KAT2A: variants seen among roughly 807,000 people sequenced by gnomAD.
The protein encoded by KAT2A is lysine acetyltransferase 2A, also known as histone acetyltransferase KAT2A.
In KAT2A, 42 loss-of-function variants were observed where a neutral mutation model predicts 95.2. The observed-to-expected ratio is 0.44, with a 90% confidence interval of 0.34 to 0.57. The LOEUF is 0.57. Ranked by LOEUF, KAT2A falls within the 20% of genes least tolerant of loss-of-function variation. The probability of loss-of-function intolerance (pLI) is 0.01; values close to 1 mark genes in which losing one functional copy is unlikely to be tolerated. For synonymous variants in KAT2A, 449 were observed against 448.2 expected (o/e 1.00, Z -0.02); for missense variants, 784 against 1,126.3 (o/e 0.70, Z 4.35).
intron 6 of KAT2A, 56 bp from the exon 7 acceptor site, chr17:42,118,459 C>T: frequency 7.8e-7 from 1 of 1,275,564 alleles, no homozygotes; most frequent in South Asian, 1.2e-5. Flanking sequence ...GCAGCCTGGG[C>T]CAGGCAGCAG....
rs1555666343 is a variant in KAT2A at position 42,117,753 on chromosome 17, C to T, written c.1353G>A (p.Met451Ile). 5.0e-6 allele frequency: 8 copies of T among 1,613,870 alleles called. No individual in the cohort carries two copies. In the Admixed American group the frequency reaches 1.3e-4, roughly 27 times the overall value. ...TGACCAGCTCCATGGGGATGTCACC[C>T]ATCACACGGAGCCGCTTGGCATCCT... ...TLEDAKRLRV[M>I]GDIPMELVNE... The change falls in exon 9 of 18, where the codon ATG becomes ATA. Residue 451 changes from methionine to isoleucine, a missense_variant. Physicochemically the swap from Met to Ile is conservative, Grantham distance 10. This residue lies in a region of KAT2A where 174 missense variants were observed against 324.9 expected (regional missense o/e 0.54). Coordinates refer to ENST00000225916, the MANE Select transcript of KAT2A (RefSeq NM_021078.3). This position sits in a 1 kb window ranked among gnomAD's most constrained non-coding sequence, Gnocchi z 8.9.
At chr17:42,115,873 TG>T in intron 11 of KAT2A, 40 bp from the exon 12 acceptor site, 1 of 1,160,302 alleles carries the variant, frequency 8.6e-7, no homozygotes. Context: ...GAGCTGAGGA[TG>T]GGCCTGGTGC....
chr17:42,117,257 A>G lies in KAT2A; in HGVS notation c.1638-96T>C. 6.4e-7 allele frequency: 1 copy of G among 1,567,608 alleles called. No homozygotes were observed. The highest frequency in any genetic ancestry group is 8.7e-7 in the Non-Finnish European group (1 of 1,147,656). On this transcript the variant is annotated intron_variant, in intron 10 of 17. Transcript: ENST00000225916. This position sits in a 1 kb window ranked among gnomAD's most constrained non-coding sequence, Gnocchi z 8.9. ...GCTGTAGTCAGGGTTGGGCAGTGAG[A>G]AGTAAGAATGCTCAAAGGATGAACC...
chr17:42,120,982 A>AC lies in KAT2A; in HGVS notation c.322dup (p.Val108GlyfsTer9). The AC allele has an allele frequency of 6.3e-7, 1 of 1,586,872 alleles. No homozygotes were observed. Among genetic ancestry groups the AC allele is most frequent in the Non-Finnish European group, 8.6e-7 (1 of 1,167,966 alleles). On this transcript the variant is annotated frameshift_variant, in exon 1 of 18. Coordinates refer to ENST00000225916, the MANE Select transcript of KAT2A (RefSeq NM_021078.3). LOFTEE classifies it high-confidence loss of function. ...CGCCCCCACCTTGCAAGCCGAGAAG[A>AC]CCCCTAGCTTCTCAAGCTTCTTGGC...
chr17:42,121,270 G>A lies in KAT2A; in HGVS notation c.35C>T (p.Pro12Leu). The change falls in exon 1 of 18, where the codon CCG (proline) becomes CTG (leucine). Residue 12 changes from proline (P) to leucine (L), a missense_variant. Around this residue, in one of 6 missense-constraint regions of KAT2A, gnomAD observed 142 missense variants for 123.2 expected, o/e 1.15. Transcript: ENST00000225916. ...CTGAAGGGGCCGGGGCTGCGCAGCC[G>A]GGGCCGGGGTCGGGGCCTGGGAAGG... ...AEPSQAPTPA[P>L]AAQPRPLQSP... 2 of 1,370,268 alleles carry A rather than the reference G, an allele frequency of 1.5e-6. No individual in the cohort carries two copies. Among genetic ancestry groups the A allele is most frequent in the East Asian group, 3.0e-5 (1 of 33,362 alleles). 84.9% of individuals were successfully genotyped at this position (1,370,268 alleles called of 1,614,324 possible).
intron 6 of KAT2A, among the ~76,000 whole-genome samples, chr17:42,118,785 C>A (rs2144040008): frequency 6.6e-6 from 1 of 152,316 alleles, no homozygotes; most frequent in Middle Eastern, 3.4e-3. Context: ...GCAGGGGGCA[C>A]TAGAGAGCCA....
In KAT2A at chr17:42,114,564, C is replaced by A; in HGVS notation, c.2060G>T (p.Arg687Leu). The change falls in exon 14 of 18, where the codon CGC (arginine) becomes CTC (leucine). Residue 687 changes from arginine (R) to leucine (L), a missense_variant. Around this residue, in one of 6 missense-constraint regions of KAT2A, gnomAD observed 195 missense variants for 247.1 expected, o/e 0.79. Coordinates refer to ENST00000225916, the MANE Select transcript of KAT2A (RefSeq NM_021078.3). This position sits in a 1 kb window ranked among gnomAD's most constrained non-coding sequence, Gnocchi z 6.0. ...KLIERKQAQI[R>L]KVYPGLSCFK... ...GCAGCTGAGCCCCGGGTAGACCTTG[C>A]GGATCTGGGCCTGTTTGCGCTCAAT... The A allele has an allele frequency of 6.2e-7, 1 of 1,614,014 alleles. No homozygotes were observed. Among genetic ancestry groups the A allele is most frequent in the Non-Finnish European group, 8.5e-7 (1 of 1,179,982 alleles).
intron 6 of KAT2A, 69 bp from the exon 7 acceptor site, chr17:42,118,472 G>A (rs1273301626): frequency 1.2e-5 from 13 of 1,103,974 alleles, no homozygotes; most frequent in East Asian, 4.7e-5. Context: ...GGCAGCAGAG[G>A]GACTGGAGGC....
At chr17:42,120,173 C>A in intron 3 of KAT2A, 52 bp downstream of exon 3, 1 of 1,613,648 alleles carries the variant, frequency 6.2e-7, no homozygotes. Context: ...CTGCAGACAA[C>A]CCCTCAAGGC....
Position 42,117,798 on chromosome 17 carries a change from G to T in KAT2A, c.1308C>A (p.Leu436=), listed in dbSNP as rs79405527. ...AEPMPGEKRT[L]PENLTLEDAK... is the part of the protein sequence containing the mutation. Reference sequence around the variant, plus strand: ...CATCCTCCAGGGTCAGGTTCTCTGGGAGCGTCCTCTTCTCGCCTATTGGGG... The same window carrying T: ...CATCCTCCAGGGTCAGGTTCTCTGGTAGCGTCCTCTTCTCGCCTATTGGGG... The change falls in exon 9 of 18, where the codon CTC becomes CTA. Residue 436 remains leucine (L), a synonymous_variant. Transcript: ENST00000225916. The surrounding 1 kb of genome is among the most constrained non-coding windows in gnomAD (Gnocchi z 8.9). 6.2e-7 allele frequency: 1 copy of T among 1,613,964 alleles called. No homozygotes were observed. The highest frequency in any genetic ancestry group is 1.3e-5 in the African/African-American group (1 of 75,012).
rs2054292534 is a variant in KAT2A, at chr17:42,118,366, T to C, written c.1111A>G (p.Asn371Asp). Residue 371 changes from asparagine (N) to aspartate (D), a missense_variant, in exon 7 of 18, where the codon AAC becomes GAC. Coordinates refer to ENST00000225916, the MANE Select transcript of KAT2A (RefSeq NM_021078.3). ...AAGCCTGACTCCCAGATTGGAGAGT[T>C]TGCCCCATAGATCTCCTCCTCCAGC... The part of the protein sequence containing the change: ...SMLEEEIYGA[N>D]SPIWESGFTM... 7 of 1,613,890 alleles carry C rather than the reference T, an allele frequency of 4.3e-6. No individual in the cohort carries two copies. The highest frequency in any genetic ancestry group is 5.9e-6 in the Non-Finnish European group (7 of 1,179,772).
intron 11 of KAT2A, 101 bp from the exon 12 acceptor site, chr17:42,115,934 A>C (rs1211543928): frequency 1.3e-6 from 1 of 747,284 alleles, no homozygotes; most frequent in African/African-American, 1.7e-5. Flanking sequence ...GAAAGGAGGT[A>C]GAGAGAGCGA....
In KAT2A at chr17:42,114,982, C is replaced by T. The variant is rs143102052; in HGVS notation, c.1929G>A (p.Lys643=). The change falls in exon 13 of 18, where the codon AAG becomes AAA. Residue 643 remains lysine (K), a synonymous_variant. Coordinates refer to ENST00000225916, the MANE Select transcript of KAT2A (RefSeq NM_021078.3). The surrounding 1 kb of genome is among the most constrained non-coding windows in gnomAD (Gnocchi z 6.0). ...CCATCAGCGTCGCTCCCTCGTAGTC[C>T]TTGATGTAGCCCAGGTAGCGGCTCT... ...VPKSRYLGYI[K]DYEGATLMEC... 3.5e-5 allele frequency: 57 copies of T among 1,613,890 alleles called. No individual in the cohort carries two copies. The highest frequency in any genetic ancestry group is 4.4e-5 in the Non-Finnish European group (52 of 1,179,968).
Position 42,120,985 on chromosome 17 carries a change from C to CCTAGCTTCT in KAT2A, c.311_319dup (p.Glu104_Leu106dup). 1 of 1,590,246 alleles carries CCTAGCTTCT rather than the reference C, an allele frequency of 6.3e-7. No homozygotes were observed. Among genetic ancestry groups the CCTAGCTTCT allele is most frequent in the South Asian group, 1.1e-5 (1 of 87,364 alleles). On this transcript the variant is annotated inframe_insertion, in exon 1 of 18. Coordinates refer to ENST00000225916, the MANE Select transcript of KAT2A (RefSeq NM_021078.3). The stretch of plus-strand genomic sequence containing the variant: ...CCCCACCTTGCAAGCCGAGAAGACC[C>CCTAGCTTCT]CTAGCTTCTCAAGCTTCTTGGCGCG...
rs1555666306 is a variant in KAT2A, at chr17:42,117,679, T to C, written c.1427A>G (p.Glu476Gly). The C allele has an allele frequency of 1.9e-6, 3 of 1,609,428 alleles. No individual in the cohort carries two copies. Among genetic ancestry groups the C allele is most frequent in the African/African-American group, 1.3e-5 (1 of 74,848 alleles). The stretch of plus-strand genomic sequence containing the variant: ...TGGTCAGCAGGTCGGGCTGCCCACC[T>C]CAGGCCCCAGCATGGCAGCAGGGTC... ...ITDPAAMLGP[E>G]TSLLSANAAR... The change falls in exon 9 of 18, where the codon GAG becomes GGG. Residue 476 changes from glutamate (E) to glycine (G), a missense_variant and splice_region_variant. By Grantham distance (98) the Glu-to-Gly change is moderately conservative. Transcript: ENST00000225916. This position sits in a 1 kb window ranked among gnomAD's most constrained non-coding sequence, Gnocchi z 8.9.
Position 42,113,823 on chromosome 17 carries a change from C to T in KAT2A, c.2340G>A (p.Glu780=), listed in dbSNP as rs377452807. The change falls in exon 18 of 18, where the codon GAG becomes GAA. Residue 780 remains glutamate, a synonymous_variant. Transcript: ENST00000225916. ...TCACGTAGTAGCGGCTTCGCAGCCG[C>T]TCAGTCATGGTCTTCAGGTCTGGGG... The part of the protein sequence containing the change: ...RFPIDLKTMT[E]RLRSRYYVTR... The T allele has an allele frequency of 1.5e-4, 245 of 1,598,554 alleles. 3 individuals carry two copies. In the South Asian group the frequency reaches 1.9e-3, roughly 12 times the overall value.
intron 11 of KAT2A, 135 bp downstream of exon 11, chr17:42,116,900 G>T: frequency 9.4e-7 from 1 of 1,064,708 alleles, no homozygotes; most frequent in Non-Finnish European, 1.4e-6. Flanking sequence ...GCCACCTTGT[G>T]GGGATGTGAG....
chr17:42,120,405 TAGA>T, intron 2 of KAT2A, 35 bp from the exon 3 acceptor site: 2 of 1,610,760 alleles, frequency 1.2e-6, no homozygotes, highest in Non-Finnish European at 1.7e-6. Context: ...GAAAAATTGA[TAGA>T]AGAAATCAAC....
At chr17:42,115,100 C>G in intron 12 of KAT2A, 65 bp from the exon 13 acceptor site, 1 of 1,541,628 alleles carries the variant, frequency 6.5e-7, no homozygotes. Context: ...TCGTCCCTCA[C>G]CTGGGAGCAC....
Sources: gnomAD v4.1 joint callset for allele counts (sites outside exome capture counted in the v4.1 genomes callset) on GRCh38, gnomAD v4.1.1 for gene constraint, gnomAD v4.1.1 regional missense constraint, Gnocchi (gnomAD v3.1) non-coding constraint, MANE v1.5 for transcripts, NCBI Gene and HGNC (gene_info 2026-07-23, HGNC 2026-07-21) for gene names.